Variants in STK32B observed in about 807,000 individuals in gnomAD.
STK32B encodes the protein serine/threonine kinase 32B.
Under a neutral mutation model 52.6 loss-of-function variants are expected in STK32B, and 43 were observed. That is an observed-to-expected ratio of 0.82 (90% CI 0.64 to 1.05). STK32B has a LOEUF of 1.05. Ranked by LOEUF, STK32B falls within the 50% of genes least tolerant of loss-of-function variation. The pLI is 0.00. For missense variants in STK32B, 621 were observed against 534.6 expected (o/e 1.16, Z -1.59); for synonymous variants, 238 against 204.3 (o/e 1.17, Z -1.41).
intron 3 of STK32B, among the ~76,000 whole-genome samples, chr4:5,318,164 A>C (rs1462981201): frequency 6.6e-6 from 1 of 152,134 alleles, no homozygotes; most frequent in East Asian, 1.9e-4. Flanking sequence ...ATTGGGGGAA[A>C]GGGCAGACAG....
intron 11 of STK32B, among the ~76,000 whole-genome samples, chr4:5,485,502 A>C (rs1719085838): frequency 6.6e-6 from 1 of 152,012 alleles, no homozygotes; most frequent in Admixed American, 6.6e-5. Flanking sequence ...ATTTTTTTCA[A>C]GGTTTTTAAC....
At chr4:5,098,656 A>T (rs796088669) in intron 1 of STK32B, among the ~76,000 whole-genome samples, 39 of 152,354 alleles carry the variant, frequency 2.6e-4, no homozygotes, top group African/African-American at 8.7e-4. Context: ...AGCTAAATGT[A>T]CTAAATGTAG....
intron 3 of STK32B, among the ~76,000 whole-genome samples, chr4:5,248,736 C>T (rs1353565985): frequency 6.6e-6 from 1 of 152,100 alleles, no homozygotes; most frequent in African/African-American, 2.4e-5. Context: ...CCGTGGAATA[C>T]TATGCAGCCA....
At chr4:5,297,174 A>G (rs561568036) in intron 3 of STK32B, among the ~76,000 whole-genome samples, 212 of 152,218 alleles carry the variant, frequency 1.4e-3, no homozygotes, top group African/African-American at 4.7e-3. Context: ...TTCCCTTTGT[A>G]GGTAACCTGA....
intron 6 of STK32B, among the ~76,000 whole-genome samples, chr4:5,439,969 G>C (rs539535849): frequency 1.3e-5 from 2 of 152,286 alleles, no homozygotes; most frequent in South Asian, 2.1e-4. Context: ...CTATATCTCT[G>C]TTTTGGTACA....
intron 1 of STK32B, among the ~76,000 whole-genome samples, chr4:5,133,820 C>G (rs1378321093): frequency 6.6e-6 from 1 of 152,138 alleles, no homozygotes; most frequent in East Asian, 1.9e-4. Context: ...TGCCCTTTTG[C>G]TACGTCACTG....
At chr4:5,344,658 T>A (rs1448125167) in intron 4 of STK32B, among the ~76,000 whole-genome samples, 3 of 151,872 alleles carry the variant, frequency 2.0e-5, no homozygotes, top group Non-Finnish European at 2.9e-5. Flanking sequence ...TTTTTGTTTT[T>A]TCCATTTTTT....
At chr4:5,420,579 G>GA (rs1010898981) in intron 6 of STK32B, among the ~76,000 whole-genome samples, 3 of 152,178 alleles carry the variant, frequency 2.0e-5, no homozygotes, top group Non-Finnish European at 4.4e-5. Flanking sequence ...CATGTGGATG[G>GA]AGAACCTGCC....
At chr4:5,082,541 C>CT (rs1712494511) in intron 1 of STK32B, among the ~76,000 whole-genome samples, 1 of 152,172 alleles carries the variant, frequency 6.6e-6, no homozygotes, top group South Asian at 2.1e-4. Flanking sequence ...GGATTTTTGT[C>CT]TATCTGATTC....
chr4:5,439,551 G>A (rs1714495213), intron 6 of STK32B, among the ~76,000 whole-genome samples: 3 of 151,290 alleles, frequency 2.0e-5, no homozygotes, highest in Admixed American at 2.0e-4. Context: ...CATTTTGTAG[G>A]TTGCCTGTTC....
intron 1 of STK32B, among the ~76,000 whole-genome samples, chr4:5,133,422 C>T (rs564088457): frequency 6.6e-6 from 1 of 152,278 alleles, no homozygotes; most frequent in African/African-American, 2.4e-5. Context: ...ATTTCCCACT[C>T]CCTCAGAGAG....
intron 3 of STK32B, among the ~76,000 whole-genome samples, chr4:5,305,230 T>C (rs1729847612): frequency 6.6e-6 from 1 of 152,002 alleles, no homozygotes; most frequent in Non-Finnish European, 1.5e-5. Context: ...ATTGCCTCTT[T>C]CTTTATCTTT....
chr4:5,175,081 C>T (rs963208579), intron 3 of STK32B, among the ~76,000 whole-genome samples: 2 of 152,154 alleles, frequency 1.3e-5, no homozygotes, highest in South Asian at 2.1e-4. Context: ...CCTTTCTTCC[C>T]GTTGATTGCA....
chr4:5,293,381 G>T (rs991483407), intron 3 of STK32B, among the ~76,000 whole-genome samples: 1 of 152,032 alleles, frequency 6.6e-6, no homozygotes, highest in Non-Finnish European at 1.5e-5. Flanking sequence ...TTCCACAATG[G>T]TTTAACTAAT....
chr4:5,290,603 C>T (rs1296615155), intron 3 of STK32B, among the ~76,000 whole-genome samples: 2 of 151,392 alleles, frequency 1.3e-5, no homozygotes, highest in Non-Finnish European at 3.0e-5. Flanking sequence ...TTTTTAATTA[C>T]TTAATTTTTT....
chr4:5,240,985 C>T (rs28670498), intron 3 of STK32B, among the ~76,000 whole-genome samples: 32,976 of 152,084 alleles, frequency 0.22, 5,462 homozygotes, highest in African/African-American at 0.47. Flanking sequence ...TTTGTAAGTC[C>T]TTCCATCCTG....
intron 3 of STK32B, among the ~76,000 whole-genome samples, chr4:5,187,149 C>T (rs965054692): frequency 6.6e-6 from 1 of 152,172 alleles, no homozygotes; most frequent in African/African-American, 2.4e-5. Flanking sequence ...ATGGGGTTTA[C>T]CCAGGGTCAC....
chr4:5,490,715 C>T (rs548517863), intron 11 of STK32B, among the ~76,000 whole-genome samples: 1 of 152,132 alleles, frequency 6.6e-6, no homozygotes, highest in South Asian at 2.1e-4. Context: ...CTAAAGCTAT[C>T]CCTCCCCAAC....
chr4:5,043,620 G>A, the STK32B span, among the ~76,000 whole-genome samples: 1 of 152,172 alleles, frequency 6.6e-6, no homozygotes, highest in African/African-American at 2.4e-5. Flanking sequence ...GCTACATGAG[G>A]TTGTCCCAGA....
Sources: allele counts gnomAD v4.1 joint callset (sites outside exome capture counted in the v4.1 genomes callset), GRCh38; gene constraint gnomAD v4.1.1; transcripts MANE v1.5; gene names NCBI Gene and HGNC (gene_info 2026-07-23, HGNC 2026-07-21).